ANKHD1: variants seen among roughly 807,000 people sequenced by gnomAD.
ANKHD1 encodes ankyrin repeat and KH domain-containing protein 1.
Under a neutral mutation model 230.5 loss-of-function variants are expected in ANKHD1, and 31 were observed. That is an observed-to-expected ratio of 0.13 (90% CI 0.10 to 0.18). ANKHD1 has a LOEUF of 0.18. ANKHD1 is among the 10% of genes least tolerant of loss of function. ANKHD1 has a pLI of 1.00. For missense variants in ANKHD1, 2,256 were observed against 3,071.3 expected, an observed-to-expected ratio of 0.73 and a Z score of 6.27; for synonymous variants, 1,074 against 1,117.6, an observed-to-expected ratio of 0.96 and a Z score of 0.78.
chr5:140,513,990 T>C (rs1247533995), intron 24 of ANKHD1, among the ~76,000 whole-genome samples: 1 of 151,164 alleles, frequency 6.6e-6, no homozygotes. Context: ...CACTCTAGCC[T>C]GGGTGACAGA....
chr5:140,530,934 A>G (rs771114888), intron 29 of ANKHD1, among the ~76,000 whole-genome samples: 3 of 152,250 alleles, frequency 2.0e-5, no homozygotes, highest in Admixed American at 6.5e-5. Flanking sequence ...GTTTCCATTT[A>G]CTTGTCTTTT....
chr5:140,521,392 T>A (rs1004057323), intron 24 of ANKHD1, among the ~76,000 whole-genome samples: 1 of 152,110 alleles, frequency 6.6e-6, no homozygotes, highest in Non-Finnish European at 1.5e-5. Flanking sequence ...CCCAGCACTT[T>A]GGGAGGCTGA....
chr5:140,417,772 A>G (rs1387710082), intron 1 of ANKHD1, among the ~76,000 whole-genome samples: 5 of 149,716 alleles, frequency 3.3e-5, no homozygotes, highest in Non-Finnish European at 7.4e-5. Flanking sequence ...TTTTATTGTG[A>G]TATAATTTCA....
chr5:140,469,339 CAAAAAAAAAAAAA>C (rs1034952876), intron 10 of ANKHD1, among the ~76,000 whole-genome samples: 1 of 87,608 alleles, frequency 1.1e-5, no homozygotes, highest in Non-Finnish European at 2.4e-5. Context: ...CTGTCTCTAC[CAAAAAAAAAAAAA>C]AAAAAAAAAT....
chr5:140,500,648 C>CA lies in ANKHD1; in HGVS notation c.3004+3391dup, dbSNP rs376975917. Among the ~76,000 whole-genome samples, 299 of 77,998 alleles carry CA rather than the reference C, an allele frequency of 3.8e-3. 1 individual carries two copies. The highest frequency in any genetic ancestry group is 7.3e-3 in the South Asian group (16 of 2,206). The allele number at this position is 77,998 out of a possible 152,430, so 51.2% of individuals were successfully genotyped here. A position where few individuals can be genotyped will look rare whatever the true frequency, so the allele number is the denominator to read the frequency against. ...GGGGCAACAGAGCGAGACTCTGTCT[C>CA]AAAAAAAAAAAAAAAAAAAAAGAAA... is the stretch of plus-strand genomic sequence containing the variant. On this transcript the variant is annotated intron_variant, in intron 15 of 33. Transcript: ENST00000360839.
intron 5 of ANKHD1, 142 bp downstream of exon 5, chr5:140,441,284 A>G: frequency 8.4e-7 from 1 of 1,187,752 alleles, no homozygotes; most frequent in South Asian, 2.2e-5. Flanking sequence ...TGAGTAAAAT[A>G]CAAATTAATT....
chr5:140,506,634 TG>T lies in ANKHD1; in HGVS notation c.3409-198del, dbSNP rs1752547116. On this transcript the variant is annotated intron_variant, in intron 18 of 33. Transcript: ENST00000360839. This position sits in a 1 kb window ranked among gnomAD's most constrained non-coding sequence, Gnocchi z 4.7. ...TAACATCTTGTTATTGCAGTATAAT[TG>T]GGATTTCAAAACTCTGAATTCCTGA... Among the ~76,000 whole-genome samples the T allele has an allele frequency of 6.6e-6, 1 of 152,234 alleles. No individual in the cohort carries two copies. The highest frequency in any genetic ancestry group is 6.5e-5 in the Admixed American group (1 of 15,280).
At chr5:140,411,024 G>A (rs1389210494) in intron 1 of ANKHD1, among the ~76,000 whole-genome samples, 1 of 152,116 alleles carries the variant, frequency 6.6e-6, no homozygotes, top group Non-Finnish European at 1.5e-5. Context: ...GAAATATGTA[G>A]TTTTTGGTTA....
chr5:140,416,249 C>T (rs950863273), intron 1 of ANKHD1, among the ~76,000 whole-genome samples: 4 of 152,226 alleles, frequency 2.6e-5, no homozygotes, highest in East Asian at 3.9e-4. Flanking sequence ...AGTAAACGTA[C>T]GTGTGCGTGT....
chr5:140,458,820 C>T lies in ANKHD1; in HGVS notation c.1438C>T (p.Arg480Trp), dbSNP rs1775412638. 1 of 1,612,350 alleles carries T rather than the reference C, an allele frequency of 6.2e-7. No individual in the cohort carries two copies. Among genetic ancestry groups the T allele is most frequent in the Non-Finnish European group, 8.5e-7 (1 of 1,179,446 alleles). ...ATACACTCCCTTGATGGAAGCTGCC[C>T]GGGAAGGACATGAAGAAATGGTGGC... ...EGYTPLMEAA[R>W]EGHEEMVALL... The change falls in exon 8 of 34, where the codon CGG (arginine) becomes TGG (tryptophan). Residue 480 changes from arginine (R) to tryptophan (W), a missense_variant. Arg to Trp is a moderately radical substitution (Grantham distance 101). This residue lies in a region of ANKHD1 where 179 missense variants were observed against 261.8 expected (regional missense o/e 0.68). Coordinates refer to ENST00000360839, the MANE Select transcript of ANKHD1 (RefSeq NM_017747.3).
At chr5:140,498,900 G>T (rs1752155569) in intron 15 of ANKHD1, among the ~76,000 whole-genome samples, 1 of 151,152 alleles carries the variant, frequency 6.6e-6, no homozygotes, top group South Asian at 2.1e-4. Flanking sequence ...AAAGGAACTT[G>T]TAAGTGTTAA....
At position 140,406,231 on chromosome 5, in the gene ANKHD1, C is replaced by G. The variant is rs549670691; in HGVS notation, c.306+3958C>G. Reference sequence around the variant, plus strand: ...CCAGGCAGGGTGACAGAGAGAGACTCTGTCTCAAAAAAAAAAAAAAATAAA... The same window carrying G: ...CCAGGCAGGGTGACAGAGAGAGACTGTGTCTCAAAAAAAAAAAAAAATAAA... On this transcript the variant is annotated intron_variant, in intron 1 of 33. Coordinates refer to ENST00000360839, the MANE Select transcript of ANKHD1 (RefSeq NM_017747.3). 3.4e-5 allele frequency among the ~76,000 whole-genome samples: 5 copies of G among 148,402 alleles called. No homozygotes were observed. The South Asian group carries it at 1.1e-3, about 31-fold the overall frequency.
chr5:140,485,444 A>G lies in ANKHD1; in HGVS notation c.1999-145A>G. ...CACACACACGTATGTATGTGTATATATATATAAATAATATGTGTATAGTTA... is the reference window on the plus strand; with the variant it reads ...CACACACACGTATGTATGTGTATATGTATATAAATAATATGTGTATAGTTA... On this transcript the variant is annotated intron_variant, in intron 12 of 33. Transcript: ENST00000360839. The surrounding 1 kb of genome is among the most constrained non-coding windows in gnomAD (Gnocchi z 4.8). The G allele has an allele frequency of 9.8e-7, 1 of 1,024,762 alleles. No homozygotes were observed. The highest frequency in any genetic ancestry group is 2.0e-5 in the South Asian group (1 of 50,116). The allele number at this position is 1,024,762 out of a possible 1,614,324, so 63.5% of individuals were successfully genotyped here. A position where few individuals can be genotyped will look rare whatever the true frequency, so the allele number is the denominator to read the frequency against.
chr5:140,440,974 G>C (rs1309507177), intron 4 of ANKHD1, 21 bp from the exon 5 acceptor site: 1 of 1,540,504 alleles, frequency 6.5e-7, no homozygotes. Flanking sequence ...CAATTTCTCT[G>C]TCTGTATATG....
In ANKHD1 at chr5:140,473,444, A is replaced by T. The variant is rs569335030; in HGVS notation, c.1782+8668A>T. ...CTGTTGAGATTTTTAAAAATTTTTT[A>T]AATTTTTTTTTTTTGAGACAGGGTC... On this transcript the variant is annotated intron_variant, in intron 10 of 33. Transcript: ENST00000360839. Among the ~76,000 whole-genome samples, 262 of 149,740 alleles carry T rather than the reference A, an allele frequency of 1.7e-3. 2 individuals carry two copies. The highest frequency in any genetic ancestry group is 1.5e-3 in the Non-Finnish European group (99 of 67,192).
At chr5:140,495,755 G>A (rs890830045) in intron 14 of ANKHD1, among the ~76,000 whole-genome samples, 10 of 152,112 alleles carry the variant, frequency 6.6e-5, no homozygotes, top group African/African-American at 2.2e-4. Flanking sequence ...AACATATACT[G>A]TCAGCATGAG....
intron 24 of ANKHD1, 31 bp downstream of exon 24, chr5:140,513,510 A>C (rs924001119): frequency 6.2e-7 from 1 of 1,605,548 alleles, no homozygotes; most frequent in Non-Finnish European, 8.5e-7. Context: ...TCCTTTTTAG[A>C]AATTATTGAG....
At chr5:140,508,725 C>T (rs1752639252) in intron 20 of ANKHD1, among the ~76,000 whole-genome samples, 1 of 151,812 alleles carries the variant, frequency 6.6e-6, no homozygotes, top group Non-Finnish European at 1.5e-5. Flanking sequence ...CATTGCACTC[C>T]AGCCCGTGCA....
intron 1 of ANKHD1, among the ~76,000 whole-genome samples, chr5:140,419,101 A>G (rs1354795159): frequency 6.6e-6 from 1 of 151,084 alleles, no homozygotes; most frequent in Non-Finnish European, 1.5e-5. Context: ...CATTCTTCTC[A>G]TCTTCACTAA....
Sources: gnomAD v4.1 joint callset for allele counts (sites outside exome capture counted in the v4.1 genomes callset) on GRCh38, gnomAD v4.1.1 for gene constraint, gnomAD v4.1.1 regional missense constraint, Gnocchi (gnomAD v3.1) non-coding constraint, MANE v1.5 for transcripts, NCBI Gene and HGNC (gene_info 2026-07-23, HGNC 2026-07-21) for gene names.